PIEZO2: variants seen among roughly 807,000 people sequenced by gnomAD.
PIEZO2 encodes piezo-type mechanosensitive ion channel component 2.
PIEZO2 carries 172 observed loss-of-function variants against 337.3 expected under a neutral mutation model. That is an observed-to-expected ratio of 0.51 (90% CI 0.45 to 0.58). PIEZO2 has a LOEUF of 0.58. PIEZO2 is among the 20% of genes least tolerant of loss of function. The pLI is 0.00. For missense variants in PIEZO2, 3,028 were observed against 3,391.3 expected, an observed-to-expected ratio of 0.89 and a Z score of 2.66; for synonymous variants, 1,251 against 1,228.5, an observed-to-expected ratio of 1.02 and a Z score of -0.38.
Position 10,795,060 on chromosome 18 carries a change from G to A in PIEZO2, c.1528-58C>T, listed in dbSNP as rs1024242860. On this transcript the variant is annotated intron_variant, in intron 12 of 55. Transcript: ENST00000674853. This position sits in a 1 kb window ranked among gnomAD's most constrained non-coding sequence, Gnocchi z 4.4. ...GTCAATACAATGCTCAGTCCCCCCC[G>A]CCCTGGTAAGGTAAAAACTATCTAA... The A allele has an allele frequency of 1.7e-5, 23 of 1,359,648 alleles. No homozygotes were observed. The highest frequency in any genetic ancestry group is 1.8e-4 in the Middle Eastern group (1 of 5,664). The allele number at this position is 1,359,648 out of a possible 1,614,324, so 84.2% of individuals were successfully genotyped here.
intron 7 of PIEZO2, among the ~76,000 whole-genome samples, chr18:10,840,394 T>C (rs1460358999): frequency 6.6e-6 from 1 of 151,212 alleles, no homozygotes. Flanking sequence ...GGTGGTCACA[T>C]TAACCGTTCC....
At chr18:10,681,889 A>G (rs1598348796) in intron 50 of PIEZO2, 136 bp from the exon 51 acceptor site, 2 of 867,316 alleles carry the variant, frequency 2.3e-6, no homozygotes, top group Admixed American at 2.6e-5. Flanking sequence ...GGCATCCGAG[A>G]TCTCTTTTTG....
At position 10,716,324 on chromosome 18, in the gene PIEZO2, T is replaced by A. The variant is rs1435511938; in HGVS notation, c.5090-508A>T. ...GAGCTTTATGATGGTCCACTTCCATTTACTGAATAGGAACTATATTTTCTT... is the reference window on the plus strand; with the variant it reads ...GAGCTTTATGATGGTCCACTTCCATATACTGAATAGGAACTATATTTTCTT... On this transcript the variant is annotated intron_variant, in intron 37 of 55. Coordinates refer to ENST00000674853, the MANE Select transcript of PIEZO2 (RefSeq NM_001378183.1). The surrounding 1 kb of genome is among the most constrained non-coding windows in gnomAD (Gnocchi z 4.1). 6.6e-6 allele frequency among the ~76,000 whole-genome samples: 1 copy of A among 152,140 alleles called. No homozygotes were observed. Among genetic ancestry groups the A allele is most frequent in the African/African-American group, 2.4e-5 (1 of 41,416 alleles).
At chr18:11,107,438 T>C (rs1046827311) in intron 1 of PIEZO2, among the ~76,000 whole-genome samples, 1 of 152,188 alleles carries the variant, frequency 6.6e-6, no homozygotes, top group Non-Finnish European at 1.5e-5. Flanking sequence ...TAATATATAA[T>C]AATTTCATGT....
chr18:10,805,497 C>T (rs940596045), intron 8 of PIEZO2, among the ~76,000 whole-genome samples: 1 of 152,130 alleles, frequency 6.6e-6, no homozygotes, highest in African/African-American at 2.4e-5. Context: ...GCCTGGGCAA[C>T]AAGAGTGAAA....
At chr18:10,997,448 C>G (rs983681145) in intron 2 of PIEZO2, among the ~76,000 whole-genome samples, 5 of 152,276 alleles carry the variant, frequency 3.3e-5, no homozygotes, top group African/African-American at 1.2e-4. Flanking sequence ...TGTAATTACA[C>G]AACTGTTGAA....
chr18:10,811,031 T>C (rs1189706584), intron 7 of PIEZO2, among the ~76,000 whole-genome samples: 1 of 152,214 alleles, frequency 6.6e-6, no homozygotes, highest in Non-Finnish European at 1.5e-5. Flanking sequence ...AATTAAGTTT[T>C]GTCGTAAGCA....
At position 10,726,423 on chromosome 18, in the gene PIEZO2, G is replaced by C. The variant is rs1022940159; in HGVS notation, c.5029+4984C>G. ...GCGCCAGCCGTGGCACAACGCGGAGGGCCGGCTGCGGTACGGGCTACGGCC... is the reference window on the plus strand; with the variant it reads ...GCGCCAGCCGTGGCACAACGCGGAGCGCCGGCTGCGGTACGGGCTACGGCC... On this transcript the variant is annotated intron_variant, in intron 36 of 55. Transcript: ENST00000674853. This position sits in a 1 kb window ranked among gnomAD's most constrained non-coding sequence, Gnocchi z 5.9. The C allele has an allele frequency of 4.6e-6, 7 of 1,529,752 alleles. No individual in the cohort carries two copies. The highest frequency in any genetic ancestry group is 5.2e-6 in the Non-Finnish European group (6 of 1,144,992). The allele number at this position is 1,529,752 out of a possible 1,614,324, so 94.8% of individuals were successfully genotyped here.
At chr18:11,019,677 T>C (rs563006310) in intron 2 of PIEZO2, among the ~76,000 whole-genome samples, 1 of 152,286 alleles carries the variant, frequency 6.6e-6, no homozygotes, top group Non-Finnish European at 1.5e-5. Flanking sequence ...ATCCTCAGGC[T>C]GGACAGAGTG....
Position 10,742,606 on chromosome 18 carries a change from G to A in PIEZO2, c.4524C>T (p.Arg1508=). 1 of 1,537,052 alleles carries A rather than the reference G, an allele frequency of 6.5e-7. No homozygotes were observed. Among genetic ancestry groups the A allele is most frequent in the South Asian group, 1.2e-5 (1 of 84,052 alleles). ...TATATTTCTGTTGCCTGGCCTTGAT[G>A]CGATCCATCCTATAAAGTAAAATAA... ...SMDQLKRQMD[R]IKARQQKYKK... Residue 1508 remains arginine (R), a synonymous_variant, in exon 32 of 56, where the codon CGC becomes CGT. Transcript: ENST00000674853.
chr18:11,143,625 ACACACACACACACACTCTCT>A lies in PIEZO2; in HGVS notation c.64+4880_64+4899del, dbSNP rs748926041. ...AACACACACACACACACACACACAC[ACACACACACACACACTCTCT>A]CTCTCTCTCTCTCTCTCTCTCTCTC... On this transcript the variant is annotated intron_variant, in intron 1 of 55. Coordinates refer to ENST00000674853, the MANE Select transcript of PIEZO2 (RefSeq NM_001378183.1). This position sits in a 1 kb window ranked among gnomAD's most constrained non-coding sequence, Gnocchi z 4.9. Among the ~76,000 whole-genome samples the A allele has an allele frequency of 2.8e-3, 398 of 140,936 alleles. 1 individual carries two copies. Among genetic ancestry groups the A allele is most frequent in the African/African-American group, 9.2e-3 (330 of 35,812 alleles). The allele number at this position is 140,936 out of a possible 152,430, so 92.5% of individuals were successfully genotyped here.
chr18:10,737,317 T>G (rs1005334201), intron 33 of PIEZO2, among the ~76,000 whole-genome samples: 7 of 134,420 alleles, frequency 5.2e-5, no homozygotes, highest in African/African-American at 9.9e-5. Context: ...ACGCACACAC[T>G]GCCATGAGGA....
intron 3 of PIEZO2, among the ~76,000 whole-genome samples, chr18:10,970,910 T>A (rs1348209834): frequency 6.6e-6 from 1 of 152,156 alleles, no homozygotes; most frequent in African/African-American, 2.4e-5. Context: ...TAGAGAAACA[T>A]AAATAGGGTT....
intron 27 of PIEZO2, among the ~76,000 whole-genome samples, chr18:10,756,971 T>C (rs1032469104): frequency 1.4e-5 from 2 of 146,030 alleles, no homozygotes; most frequent in Admixed American, 6.9e-5. Flanking sequence ...GGAATGAAGA[T>C]GAGCTATGGA....
intron 2 of PIEZO2, among the ~76,000 whole-genome samples, chr18:11,060,785 A>T (rs559295128): frequency 0.011 from 1,695 of 152,320 alleles, 30 homozygotes; most frequent in African/African-American, 0.039. Context: ...AACCAGAAAA[A>T]GTCCAGGACC....
chr18:11,055,800 G>C (rs540768306), intron 2 of PIEZO2, among the ~76,000 whole-genome samples: 23 of 152,290 alleles, frequency 1.5e-4, no homozygotes, highest in African/African-American at 5.3e-4. Flanking sequence ...AGCCGCGCTG[G>C]GCCTGGGCTG....
At chr18:10,785,106 C>T (rs917313294) in intron 16 of PIEZO2, 149 bp from the exon 17 acceptor site, 4 of 771,808 alleles carry the variant, frequency 5.2e-6, no homozygotes, top group Admixed American at 3.3e-5. Flanking sequence ...ATATGGCTTT[C>T]GTTTCCACCA....
chr18:10,901,706 C>T (rs1163448464), intron 4 of PIEZO2, among the ~76,000 whole-genome samples: 2 of 152,058 alleles, frequency 1.3e-5, no homozygotes, highest in African/African-American at 4.8e-5. Context: ...ATAATATGCC[C>T]TAGGGTGCTG....
intron 18 of PIEZO2, among the ~76,000 whole-genome samples, chr18:10,776,806 T>G (rs1320782569): frequency 1.3e-5 from 2 of 152,038 alleles, no homozygotes; most frequent in African/African-American, 4.8e-5. Context: ...TAATTCAGCT[T>G]TTTTTTTCCT....
Sources: allele counts gnomAD v4.1 joint callset (sites outside exome capture counted in the v4.1 genomes callset), GRCh38; gene constraint gnomAD v4.1.1; non-coding constraint Gnocchi (gnomAD v3.1); transcripts MANE v1.5; gene names NCBI Gene and HGNC (gene_info 2026-07-23, HGNC 2026-07-21).